ZNF571: variants seen among roughly 807,000 people sequenced by gnomAD.
ZNF571 encodes zinc finger protein 571.
In ZNF571, 4 loss-of-function variants were observed where a neutral mutation model predicts 7.7. That is an observed-to-expected ratio of 0.52 (90% confidence interval 0.25 to 1.18). The LOEUF (loss-of-function observed/expected upper bound fraction) is 1.18, where lower values mean the gene tolerates loss of function less well. Ranked by LOEUF, ZNF571 falls within the 50% of genes most tolerant of loss-of-function variation. The pLI, the probability that ZNF571 is intolerant of heterozygous loss-of-function variation, is 0.14. For synonymous variants in ZNF571, 251 were observed against 232.4 expected, an observed-to-expected ratio of 1.08 and a Z score of -0.73; for missense variants, 704 against 726.9, an observed-to-expected ratio of 0.97 and a Z score of 0.36.
chr19:37,580,324 G>GAA (rs2043408572), intron 3 of ZNF571, among the ~76,000 whole-genome samples: 1 of 152,172 alleles, frequency 6.6e-6, no homozygotes, highest in East Asian at 1.9e-4. Context: ...AATAGCTGCA[G>GAA]TCTTCACCAT....
chr19:37,583,841 G>T, intron 3 of ZNF571, 130 bp downstream of exon 3: 1 of 875,648 alleles, frequency 1.1e-6, no homozygotes. Flanking sequence ...AAAGGTACAC[G>T]GTGGAGCTGT....
chr19:37,574,585 A>G (rs1332365280), intron 3 of ZNF571, among the ~76,000 whole-genome samples: 4 of 152,214 alleles, frequency 2.6e-5, no homozygotes, highest in African/African-American at 9.7e-5. Flanking sequence ...CCTCATACAT[A>G]CACAAATTTT....
chr19:37,578,243 G>A (rs757367876), intron 3 of ZNF571, among the ~76,000 whole-genome samples: 6 of 152,184 alleles, frequency 3.9e-5, no homozygotes, highest in Non-Finnish European at 8.8e-5. Context: ...AGAAGACCAT[G>A]TCAGGATTTA....
At chr19:37,566,541 C>T (rs1568342926) in intron 3 of ZNF571, 2 of 383,340 alleles carry the variant, frequency 5.2e-6, no homozygotes, top group African/African-American at 2.1e-5. Flanking sequence ...GGCTTAGAGA[C>T]ACCCAGGAGG....
rs780099011 is a variant in ZNF571, at chr19:37,565,596, G to A, written c.832C>T (p.Pro278Ser). Reference sequence around the variant, plus strand: ...TTCCCACAATCCTTACATTCATAGGGTTTTTCACCACTATGAATTCTCTGA... The same window carrying A: ...TTCCCACAATCCTTACATTCATAGGATTTTTCACCACTATGAATTCTCTGA... ...LHQRIHSGEKPYECKDCGKAF... is the reference protein window; with the variant it reads ...LHQRIHSGEKSYECKDCGKAF... The change falls in exon 4 of 4, where the codon CCC becomes TCC. Residue 278 changes from proline to serine, a missense_variant. Pro to Ser is a moderately conservative substitution (Grantham distance 74). Transcript: ENST00000451802. 1 of 1,613,162 alleles carries A rather than the reference G, an allele frequency of 6.2e-7. No individual in the cohort carries two copies. The highest frequency in any genetic ancestry group is 2.2e-5 in the East Asian group (1 of 44,850).
chr19:37,564,833 C>G lies in ZNF571; in HGVS notation c.1595G>C (p.Cys532Ser). Reference protein sequence around the residue: ...RIHRGEKPYECKQCGKAFIRG... With the variant: ...RIHRGEKPYESKQCGKAFIRG... The stretch of plus-strand genomic sequence containing the variant: ...AATAAAAGCCTTCCCACACTGTTTA[C>G]ATTCATAAGGTTTTTCACCTCTGTG... Residue 532 changes from cysteine to serine, a missense_variant, in exon 4 of 4, where the codon TGT becomes TCT. Physicochemically the swap from Cys to Ser is moderately radical, Grantham distance 112. Transcript: ENST00000451802. 1 of 1,614,042 alleles carries G rather than the reference C, an allele frequency of 6.2e-7. No individual in the cohort carries two copies.
chr19:37,586,546 G>A, intron 2 of ZNF571, 122 bp downstream of exon 2: 1 of 1,071,352 alleles, frequency 9.3e-7, no homozygotes, highest in Non-Finnish European at 1.4e-6. Context: ...GCTAGAATGG[G>A]AGACGTTTGG....
intron 3 of ZNF571, among the ~76,000 whole-genome samples, chr19:37,571,440 G>T (rs2043048069): frequency 6.7e-6 from 1 of 150,176 alleles, no homozygotes; most frequent in Admixed American, 6.6e-5. Context: ...AGGTTGCAGT[G>T]AGCCGAGATC....
At chr19:37,594,327 C>A (rs1331111712) in intron 1 of ZNF571, 2 of 152,392 alleles carry the variant, frequency 1.3e-5, no homozygotes, top group East Asian at 1.9e-4. Context: ...GCGCTAGGAG[C>A]ATTAACAGGC....
In ZNF571 at chr19:37,565,048, T is replaced by C. The variant is rs373632132; in HGVS notation, c.1380A>G (p.Ala460=). 4 of 1,613,896 alleles carry C rather than the reference T, an allele frequency of 2.5e-6. No individual in the cohort carries two copies. The highest frequency in any genetic ancestry group is 1.3e-5 in the African/African-American group (1 of 75,038). ...KECGKAFIRV[A]YLTQHEKIHG... ...GAATTTTCTCATGTTGAGTAAGATA[T>C]GCAACACGAATAAAGGCCTTTCCAC... is the stretch of plus-strand genomic sequence containing the variant. Residue 460 remains alanine (A), a synonymous_variant, in exon 4 of 4, where the codon GCA becomes GCG. Coordinates refer to ENST00000451802, the MANE Select transcript of ZNF571 (RefSeq NM_016536.5).
Position 37,564,424 on chromosome 19 carries a change from G to GT in ZNF571, c.*173dup, listed in dbSNP as rs2042774853. 2.1e-6 allele frequency: 1 copy of GT among 471,210 alleles called. No homozygotes were observed. Among genetic ancestry groups the GT allele is most frequent in the Non-Finnish European group, 3.6e-6 (1 of 278,080 alleles). The allele number at this position is 471,210 out of a possible 1,614,324, so 29.2% of individuals were successfully genotyped here. A position where few individuals can be genotyped will look rare whatever the true frequency, so the allele number is the denominator to read the frequency against. On this transcript the variant is annotated 3_prime_UTR_variant, in exon 4 of 4. Transcript: ENST00000451802. ...ATATAATTCAGCATTATATTCTAGC[G>GT]TTTATAGAGATGTTAAGGAATTATT...
chr19:37,565,637 GAAC>G lies in ZNF571; in HGVS notation c.788_790del (p.Cys263del). On this transcript the variant is annotated inframe_deletion, in exon 4 of 4. Coordinates refer to ENST00000451802, the MANE Select transcript of ZNF571 (RefSeq NM_016536.5). ...AATTCTCTGATGAAGAGTATATTGT[GAAC>G]AATAACTAAAGGCTTTTCCACATTT... The G allele has an allele frequency of 6.2e-7, 1 of 1,613,096 alleles. No individual in the cohort carries two copies. Among genetic ancestry groups the G allele is most frequent in the South Asian group, 1.1e-5 (1 of 91,000 alleles).
intron 1 of ZNF571, among the ~76,000 whole-genome samples, chr19:37,589,559 C>T (rs1170280041): frequency 5.3e-5 from 8 of 151,750 alleles, no homozygotes; most frequent in African/African-American, 1.7e-4. Context: ...CAAATTGAAA[C>T]GAAATTGAGA....
At chr19:37,586,544 G>T in intron 2 of ZNF571, 124 bp downstream of exon 2, 1 of 1,049,910 alleles carries the variant, frequency 9.5e-7, no homozygotes, top group Non-Finnish European at 1.5e-6. Context: ...TCGCTAGAAT[G>T]GGAGACGTTT....
chr19:37,579,963 G>A (rs908441913), intron 3 of ZNF571, among the ~76,000 whole-genome samples: 1 of 151,586 alleles, frequency 6.6e-6, no homozygotes, highest in African/African-American at 2.4e-5. Flanking sequence ...CTATTATTCT[G>A]GAAAAAAAAG....
Position 37,564,427 on chromosome 19 carries a change from T to G in ZNF571, c.*171A>C. 16 of 478,520 alleles carry G rather than the reference T, an allele frequency of 3.3e-5. No individual in the cohort carries two copies. The allele number at this position is 478,520 out of a possible 1,614,324, so 29.6% of individuals were successfully genotyped here. ...TAATTCAGCATTATATTCTAGCGTT[T>G]ATAGAGATGTTAAGGAATTATTTAA... is the stretch of plus-strand genomic sequence containing the variant. On this transcript the variant is annotated 3_prime_UTR_variant, in exon 4 of 4. Coordinates refer to ENST00000451802, the MANE Select transcript of ZNF571 (RefSeq NM_016536.5).
chr19:37,589,338 TAC>T (rs1409087496), intron 1 of ZNF571, among the ~76,000 whole-genome samples: 2 of 151,028 alleles, frequency 1.3e-5, no homozygotes, highest in African/African-American at 4.9e-5. Flanking sequence ...CCTAAAAGAA[TAC>T]ACAGACAAAT....
chr19:37,583,780 C>A, intron 3 of ZNF571, 191 bp downstream of exon 3: 1 of 511,138 alleles, frequency 2.0e-6, no homozygotes, highest in South Asian at 3.0e-5. Flanking sequence ...AAGGGAGACA[C>A]TGACAGGAAG....
rs1188205911 is a variant in ZNF571, at chr19:37,565,790, T to A, written c.638A>T (p.His213Leu). ...TTTTTCATTAGTATGAATTTTCTGA[T>A]GTTGAATGAGATCAGAAGTACGACC... is the stretch of plus-strand genomic sequence containing the variant. ...AFGRTSDLIQ[H>L]QKIHTNEKPY... Residue 213 changes from histidine to leucine, a missense_variant, in exon 4 of 4, where the codon CAT becomes CTT. Physicochemically the swap from His to Leu is moderately conservative, Grantham distance 99. Coordinates refer to ENST00000451802, the MANE Select transcript of ZNF571 (RefSeq NM_016536.5). The A allele has an allele frequency of 6.2e-7, 1 of 1,613,834 alleles. No homozygotes were observed. Among genetic ancestry groups the A allele is most frequent in the Non-Finnish European group, 8.5e-7 (1 of 1,179,866 alleles).
Sources: gnomAD v4.1 joint callset for allele counts (sites outside exome capture counted in the v4.1 genomes callset) on GRCh38, gnomAD v4.1.1 for gene constraint, MANE v1.5 for transcripts, NCBI Gene and HGNC (gene_info 2026-07-23, HGNC 2026-07-21) for gene names.